Variants in MAPKAP1 observed in about 807,000 individuals in gnomAD.
The protein encoded by MAPKAP1 is target of rapamycin complex 2 subunit MAPKAP1.
Under a neutral mutation model 65.7 loss-of-function variants are expected in MAPKAP1, and 20 were observed. That is an observed-to-expected ratio of 0.30 (90% CI 0.21 to 0.44). The LOEUF is 0.44. MAPKAP1 is among the 20% of genes least tolerant of loss of function. The pLI, the probability that MAPKAP1 is intolerant of heterozygous loss-of-function variation, is 1.00. For missense variants in MAPKAP1, 423 were observed against 648.0 expected (o/e 0.65, Z 3.77); for synonymous variants, 222 against 244.3 (o/e 0.91, Z 0.85).
intron 7 of MAPKAP1, among the ~76,000 whole-genome samples, chr9:125,542,049 C>A (rs1217061671): frequency 6.6e-6 from 1 of 152,130 alleles, no homozygotes; most frequent in Non-Finnish European, 1.5e-5. Context: ...ACCGCCCCTA[C>A]CAGCATCTCT....
intron 4 of MAPKAP1, among the ~76,000 whole-genome samples, chr9:125,593,527 T>C (rs533880017): frequency 6.6e-6 from 1 of 152,182 alleles, no homozygotes; most frequent in East Asian, 1.9e-4. Flanking sequence ...CCAGGTGTGG[T>C]GGCGTGCGCC....
intron 1 of MAPKAP1, chr9:125,696,071 TTCA>T (rs1483056884): frequency 6.6e-6 from 1 of 152,108 alleles, no homozygotes; most frequent in Non-Finnish European, 1.5e-5. Flanking sequence ...AAGGCAACAA[TTCA>T]TCATATTTTA....
intron 6 of MAPKAP1, among the ~76,000 whole-genome samples, chr9:125,550,542 G>A (rs1470933183): frequency 6.6e-6 from 1 of 152,194 alleles, no homozygotes; most frequent in Non-Finnish European, 1.5e-5. Flanking sequence ...ACAATTTCAA[G>A]ACATTCCAGT....
At chr9:125,538,328 C>T (rs541834524) in intron 7 of MAPKAP1, among the ~76,000 whole-genome samples, 16 of 152,036 alleles carry the variant, frequency 1.1e-4, no homozygotes, top group African/African-American at 1.9e-4. Flanking sequence ...CCAACAGAGA[C>T]GAAGACAACT....
chr9:125,699,543 T>A lies in MAPKAP1; in HGVS notation c.-70+7428A>T, dbSNP rs530187143. On this transcript the variant is annotated intron_variant, in intron 1 of 11. Coordinates refer to ENST00000265960, the MANE Select transcript of MAPKAP1 (RefSeq NM_001006617.3). ...TTTATGCATGAAATAAAGTTTTAAC[T>A]GCAACCTGTCACATGAGGTCAGGCA... 6.6e-5 allele frequency among the ~76,000 whole-genome samples: 10 copies of A among 152,304 alleles called. No homozygotes were observed. In the South Asian group the frequency reaches 1.7e-3, roughly 25 times the overall value.
intron 4 of MAPKAP1, among the ~76,000 whole-genome samples, chr9:125,622,944 T>C (rs1291060961): frequency 5.9e-5 from 9 of 152,206 alleles, no homozygotes; most frequent in South Asian, 4.1e-4. Flanking sequence ...ATGCCTGCGA[T>C]TGCAGGCACG....
intron 4 of MAPKAP1, among the ~76,000 whole-genome samples, chr9:125,615,187 T>C (rs1832710330): frequency 6.6e-6 from 1 of 152,034 alleles, no homozygotes; most frequent in African/African-American, 2.4e-5. Context: ...TATATGTGAA[T>C]CAATCTAACA....
intron 8 of MAPKAP1, among the ~76,000 whole-genome samples, chr9:125,500,338 C>T (rs113740751): frequency 0.02 from 2,976 of 151,326 alleles, 31 homozygotes; most frequent in South Asian, 0.04. Flanking sequence ...CAGGTGCCTG[C>T]CACCATCCCT....
intron 4 of MAPKAP1, chr9:125,596,056 C>T: frequency 7.9e-7 from 1 of 1,271,166 alleles, no homozygotes; most frequent in Admixed American, 1.7e-5. Context: ...CGTGGAAAAA[C>T]TGAAGTGATT....
At chr9:125,647,425 CCTGTAGGAATACAA>C (rs1384006001) in intron 4 of MAPKAP1, among the ~76,000 whole-genome samples, 1 of 152,254 alleles carries the variant, frequency 6.6e-6, no homozygotes, top group East Asian at 1.9e-4. Context: ...AATTCCCTGG[CCTGTAGGAATACAA>C]CTGAAATTCG....
At chr9:125,469,685 A>T (rs193216513) in intron 9 of MAPKAP1, among the ~76,000 whole-genome samples, 2 of 152,324 alleles carry the variant, frequency 1.3e-5, no homozygotes, top group East Asian at 3.9e-4. Context: ...CATTAGACCT[A>T]TTTCAGGAAC....
chr9:125,613,955 G>A (rs949081891), intron 4 of MAPKAP1, among the ~76,000 whole-genome samples: 4 of 152,094 alleles, frequency 2.6e-5, no homozygotes, highest in East Asian at 1.9e-4. Flanking sequence ...CCGCCACCAC[G>A]CTCGGCTAAT....
chr9:125,616,284 ATAACTT>A (rs1406489511), intron 4 of MAPKAP1, among the ~76,000 whole-genome samples: 2 of 152,220 alleles, frequency 1.3e-5, no homozygotes, highest in Non-Finnish European at 2.9e-5. Context: ...ATTTGGGAAA[ATAACTT>A]TATAATCTTG....
At chr9:125,695,726 T>G (rs1350311969) in intron 1 of MAPKAP1, among the ~76,000 whole-genome samples, 2 of 149,796 alleles carry the variant, frequency 1.3e-5, no homozygotes, top group African/African-American at 5.0e-5. Flanking sequence ...AAACTATTTC[T>G]TTTCTTTCTT....
At chr9:125,494,190 C>T (rs778753354) in intron 8 of MAPKAP1, among the ~76,000 whole-genome samples, 140 of 152,214 alleles carry the variant, frequency 9.2e-4, no homozygotes, top group African/African-American at 1.5e-3. Flanking sequence ...TCCCCAAAGC[C>T]CCATAAGCCC....
chr9:125,555,337 G>A (rs1246865675), intron 6 of MAPKAP1, among the ~76,000 whole-genome samples: 2 of 152,200 alleles, frequency 1.3e-5, no homozygotes, highest in East Asian at 3.8e-4. Flanking sequence ...TAAAGATGAA[G>A]AAACTGAGAC....
chr9:125,504,568 G>A (rs1295079275), intron 8 of MAPKAP1, among the ~76,000 whole-genome samples: 1 of 152,066 alleles, frequency 6.6e-6, no homozygotes, highest in Non-Finnish European at 1.5e-5. Context: ...TTGAGGCCAG[G>A]AGTTCAAGAG....
chr9:125,704,166 G>T (rs2131888834), intron 1 of MAPKAP1, among the ~76,000 whole-genome samples: 1 of 152,160 alleles, frequency 6.6e-6, no homozygotes, highest in East Asian at 1.9e-4. Flanking sequence ...CAAGCAACAT[G>T]GTGTAGTAAT....
At chr9:125,477,336 C>CT (rs2133015030) in intron 9 of MAPKAP1, among the ~76,000 whole-genome samples, 1 of 152,312 alleles carries the variant, frequency 6.6e-6, no homozygotes, top group South Asian at 2.1e-4. Context: ...TATCAAACCA[C>CT]TTCTCAGCGT....
Sources: allele counts gnomAD v4.1 joint callset (sites outside exome capture counted in the v4.1 genomes callset), GRCh38; gene constraint gnomAD v4.1.1; transcripts MANE v1.5; gene names NCBI Gene and HGNC (gene_info 2026-07-23, HGNC 2026-07-21).